The following CINP variants were observed in gnomAD, a reference collection of about 807,000 sequenced individuals.
CINP encodes cyclin-dependent kinase 2-interacting protein.
Under a neutral mutation model 20.5 loss-of-function variants are expected in CINP, and 11 were observed. That is an observed-to-expected ratio of 0.54 (90% CI 0.34 to 0.89). The LOEUF (loss-of-function observed/expected upper bound fraction) is 0.89. Among genes scored for constraint, CINP ranks in the 40% least tolerant of loss-of-function variants. CINP has a pLI of 0.02. For synonymous variants in CINP, 108 were observed against 102.1 expected, an observed-to-expected ratio of 1.06 and a Z score of -0.35; for missense variants, 213 against 251.0, an observed-to-expected ratio of 0.85 and a Z score of 1.02.
At chr14:102,355,598 G>T in intron 3 of CINP, 170 bp downstream of exon 3, 1 of 688,842 alleles carries the variant, frequency 1.5e-6, no homozygotes, top group Non-Finnish European at 2.4e-6. Flanking sequence ...AGGAGTGAGT[G>T]TCTAAGACAG....
chr14:102,355,987 CAT>C (rs1481631616), intron 2 of CINP, 90 bp from the exon 3 acceptor site: 9 of 1,352,956 alleles, frequency 6.7e-6, no homozygotes, highest in Admixed American at 2.4e-5. Context: ...TCTATATCCA[CAT>C]AGTTACGTGG....
Position 102,362,724 on chromosome 14 carries a change from C to T in CINP, c.7+121G>A, listed in dbSNP as rs571825694. On this transcript the variant is annotated intron_variant, in intron 1 of 4. Transcript: ENST00000216756. ...GCCTGCGGGCTAGGCTGGGGTAAGACAGAGGACCTCCATTTAACCTCATGT... is the reference window on the plus strand; with the variant it reads ...GCCTGCGGGCTAGGCTGGGGTAAGATAGAGGACCTCCATTTAACCTCATGT... The T allele has an allele frequency of 3.0e-5, 41 of 1,344,352 alleles. No individual in the cohort carries two copies. In the Admixed American group the frequency reaches 3.8e-4, roughly 12 times the overall value. 83.3% of individuals were successfully genotyped at this position (1,344,352 alleles called of 1,614,324 possible).
chr14:102,348,747 T>C lies in CINP; in HGVS notation c.449A>G (p.His150Arg). The part of the protein sequence containing the change: ...WPTTHFYEVS[H>R]KLLEMYRKEL... Reference sequence around the variant, plus strand: ...CTTCCTGTACATCTCCAAGAGCTTATGCGAAACCTCATCTGAAAGAAACGT... The same window carrying C: ...CTTCCTGTACATCTCCAAGAGCTTACGCGAAACCTCATCTGAAAGAAACGT... Residue 150 changes from histidine to arginine, a missense_variant, in exon 5 of 5, where the codon CAT becomes CGT. Physicochemically the swap from His to Arg is conservative, Grantham distance 29. Coordinates refer to ENST00000216756, the MANE Select transcript of CINP (RefSeq NM_032630.3). 1 of 1,613,530 alleles carries C rather than the reference T, an allele frequency of 6.2e-7. No homozygotes were observed. Among genetic ancestry groups the C allele is most frequent in the Non-Finnish European group, 8.5e-7 (1 of 1,179,730 alleles).
chr14:102,352,530 C>T (rs1228929501), intron 3 of CINP: 2 of 455,916 alleles, frequency 4.4e-6, no homozygotes, highest in East Asian at 1.4e-4. Flanking sequence ...TTATGAAAGA[C>T]ACAGACCAGG....
At chr14:102,361,574 G>A (rs1165328912) in intron 1 of CINP, among the ~76,000 whole-genome samples, 2 of 152,232 alleles carry the variant, frequency 1.3e-5, no homozygotes, top group African/African-American at 4.8e-5. Context: ...CCGGGAGGCG[G>A]AACTTGCAGT....
intron 4 of CINP, 38 bp downstream of exon 4, chr14:102,349,877 ACCTT>A (rs746611108): frequency 6.2e-7 from 1 of 1,609,992 alleles, no homozygotes; most frequent in Admixed American, 1.7e-5. Context: ...GCCCTTAATA[ACCTT>A]TACCCTCCTG....
At chr14:102,356,570 A>G (rs561279765) in intron 2 of CINP, among the ~76,000 whole-genome samples, 18 of 152,334 alleles carry the variant, frequency 1.2e-4, no homozygotes, top group Non-Finnish European at 2.1e-4. Context: ...CACCTTATTC[A>G]GTTTCATAGA....
At chr14:102,357,608 C>A (rs1232911424) in intron 2 of CINP, among the ~76,000 whole-genome samples, 3 of 152,082 alleles carry the variant, frequency 2.0e-5, no homozygotes, top group Non-Finnish European at 4.4e-5. Flanking sequence ...TAAGTCAAAG[C>A]CTAATCCACA....
In CINP at chr14:102,351,690, G is replaced by A. The variant is rs1157290695; in HGVS notation, c.307-1642C>T. ...GTGGCAAGCACTAAATTCAGCTAACGTTAATTTTTAAAGGACTTTACTTAA... is the reference window on the plus strand; with the variant it reads ...GTGGCAAGCACTAAATTCAGCTAACATTAATTTTTAAAGGACTTTACTTAA... On this transcript the variant is annotated intron_variant, in intron 3 of 4. Transcript: ENST00000216756. This position sits in a 1 kb window ranked among gnomAD's most constrained non-coding sequence, Gnocchi z 4.2. Among the ~76,000 whole-genome samples, 2 of 152,104 alleles carry A rather than the reference G, an allele frequency of 1.3e-5. No individual in the cohort carries two copies. Among genetic ancestry groups the A allele is most frequent in the African/African-American group, 2.4e-5 (1 of 41,402 alleles).
At chr14:102,355,471 C>T (rs1253310177) in intron 3 of CINP, 3 of 235,906 alleles carry the variant, frequency 1.3e-5, no homozygotes, top group African/African-American at 4.5e-5. Context: ...GCCAAGATCA[C>T]GCCATTGCAC....
At chr14:102,360,055 C>T (rs764118262) in intron 1 of CINP, among the ~76,000 whole-genome samples, 9 of 152,254 alleles carry the variant, frequency 5.9e-5, no homozygotes, top group Admixed American at 2.0e-4. Flanking sequence ...ACTGAGACAA[C>T]AGAGATGCAG....
chr14:102,361,043 A>C (rs2139636312), intron 1 of CINP, among the ~76,000 whole-genome samples: 1 of 152,314 alleles, frequency 6.6e-6, no homozygotes, highest in Non-Finnish European at 1.5e-5. Context: ...GCAGATAATA[A>C]ACAAATGACC....
chr14:102,353,209 T>C (rs1433085542), intron 3 of CINP, among the ~76,000 whole-genome samples: 1 of 151,926 alleles, frequency 6.6e-6, no homozygotes, highest in Non-Finnish European at 1.5e-5. Flanking sequence ...AAATAATTTA[T>C]GTAGATACTG....
chr14:102,359,956 C>T (rs767720427), intron 1 of CINP, among the ~76,000 whole-genome samples: 1 of 152,146 alleles, frequency 6.6e-6, no homozygotes, highest in Non-Finnish European at 1.5e-5. Flanking sequence ...CCCTGACTCC[C>T]GAGTACTTCC....
At chr14:102,356,185 C>A (rs754793072) in intron 2 of CINP, among the ~76,000 whole-genome samples, 1 of 152,068 alleles carries the variant, frequency 6.6e-6, no homozygotes, top group Non-Finnish European at 1.5e-5. Context: ...GGGATGGACG[C>A]GGGAGGACTG....
In CINP at chr14:102,362,777, C is replaced by T. The variant is rs1011208831; in HGVS notation, c.7+68G>A. On this transcript the variant is annotated intron_variant, in intron 1 of 4. Coordinates refer to ENST00000216756, the MANE Select transcript of CINP (RefSeq NM_032630.3). ...TCCGGGGAGCTCCTGAGCTTCTGGT[C>T]CAACCTGCGGCCTAAGCAGTAACAT... is the stretch of plus-strand genomic sequence containing the variant. 8.1e-6 allele frequency: 13 copies of T among 1,604,120 alleles called. 1 individual carries two copies. In the Admixed American group the frequency reaches 1.0e-4, roughly 12 times the overall value.
chr14:102,353,014 G>A (rs899762710), intron 3 of CINP, among the ~76,000 whole-genome samples: 1 of 151,214 alleles, frequency 6.6e-6, no homozygotes, highest in Non-Finnish European at 1.5e-5. Flanking sequence ...GCAGGCACCT[G>A]TAATCCCAGC....
Position 102,355,885 on chromosome 14 carries a change from C to G in CINP, c.189G>C (p.Lys63Asn). 1 of 1,614,116 alleles carries G rather than the reference C, an allele frequency of 6.2e-7. No homozygotes were observed. Among genetic ancestry groups the G allele is most frequent in the Non-Finnish European group, 8.5e-7 (1 of 1,179,978 alleles). ...CTGGGCTGCTGCTGTCTAGTTCTATCTTGTCTTTATTCCTAAACAAAATAG... is the reference window on the plus strand; with the variant it reads ...CTGGGCTGCTGCTGTCTAGTTCTATGTTGTCTTTATTCCTAAACAAAATAG... ...NLKISLLNKD[K>N]IELDSSSPAS... The change falls in exon 3 of 5, where the codon AAG becomes AAC. Residue 63 changes from lysine to asparagine, a missense_variant. Lys to Asn is a moderately conservative substitution (Grantham distance 94). Coordinates refer to ENST00000216756, the MANE Select transcript of CINP (RefSeq NM_032630.3).
chr14:102,358,664 G>C (rs1017928098), intron 2 of CINP, among the ~76,000 whole-genome samples: 8 of 152,144 alleles, frequency 5.3e-5, no homozygotes, highest in Non-Finnish European at 1.2e-4. Flanking sequence ...CTGGGGGATA[G>C]AGTGAGACTC....
Sources: gnomAD v4.1 joint callset for allele counts (sites outside exome capture counted in the v4.1 genomes callset) on GRCh38, gnomAD v4.1.1 for gene constraint, Gnocchi (gnomAD v3.1) non-coding constraint, MANE v1.5 for transcripts, NCBI Gene and HGNC (gene_info 2026-07-23, HGNC 2026-07-21) for gene names.